HDAC10: variants seen among roughly 807,000 people sequenced by gnomAD.
HDAC10 encodes polyamine deacetylase HDAC10.
A neutral mutation model predicts 82.3 loss-of-function variants in HDAC10; 90 were observed. That is an observed-to-expected ratio of 1.09 (90% CI 0.92 to 1.30). HDAC10 has a LOEUF of 1.30. HDAC10 is among the 50% of genes most tolerant of loss of function. The pLI, the probability that HDAC10 is intolerant of heterozygous loss-of-function variation, is 0.00. For missense variants in HDAC10, 934 were observed against 876.3 expected (o/e 1.07, Z -0.83); for synonymous variants, 456 against 391.7 (o/e 1.16, Z -1.94).
chr22:50,250,446 T>A lies in HDAC10; in HGVS notation c.272A>T (p.Asp91Val). ...EELQALSGQF[D>V]AIYFHPSTFH... The stretch of plus-strand genomic sequence containing the variant: ...ACGCACCGGGTGGAAGTAGATGGCG[T>A]CGAACTGTCCGGACAGCGCCTGCAG... Residue 91 changes from aspartate to valine, a missense_variant, in exon 3 of 20, where the codon GAC becomes GTC. Asp to Val is a radical substitution (Grantham distance 152). Coordinates refer to ENST00000216271, the MANE Select transcript of HDAC10 (RefSeq NM_032019.6). 6.2e-7 allele frequency: 1 copy of A among 1,612,914 alleles called. No homozygotes were observed. The highest frequency in any genetic ancestry group is 8.5e-7 in the Non-Finnish European group (1 of 1,179,944).
rs1184633073 is a variant in HDAC10, at chr22:50,246,322, G to T, written c.1626C>A (p.Phe542Leu). Residue 542 changes from phenylalanine (F) to leucine (L), a missense_variant, in exon 17 of 20, where the codon TTC becomes TTA. By Grantham distance (22) the Phe-to-Leu change is conservative. Transcript: ENST00000216271. ...CCACTGGCAGTGGCGTGGAGACATG[G>T]AACATGGATAGGGCAGCCGCCTCCT... ...RGKEAAALSM[F>L]HVSTPLPVMT... The T allele has an allele frequency of 6.2e-7, 1 of 1,613,112 alleles. No homozygotes were observed. Among genetic ancestry groups the T allele is most frequent in the East Asian group, 2.2e-5 (1 of 44,892 alleles).
In HDAC10 at chr22:50,248,906, G is replaced by A. The variant is rs1271623817; in HGVS notation, c.757-16C>T. On this transcript the variant is annotated splice_polypyrimidine_tract_variant and intron_variant, in intron 8 of 19. Coordinates refer to ENST00000216271, the MANE Select transcript of HDAC10 (RefSeq NM_032019.6). This position sits in a 1 kb window ranked among gnomAD's most constrained non-coding sequence, Gnocchi z 5.4. ...CAGGGTCAAACTACAGGCCAGGCCG[G>A]AGTGGGGAGGGTCGACAGAGAGGGG... 2 of 1,608,896 alleles carry A rather than the reference G, an allele frequency of 1.2e-6. No homozygotes were observed. The highest frequency in any genetic ancestry group is 1.7e-6 in the Non-Finnish European group (2 of 1,178,260).
Position 50,250,762 on chromosome 22 carries a change from C to A in HDAC10, c.194+9G>T. 1 of 1,576,278 alleles carries A rather than the reference C, an allele frequency of 6.3e-7. No homozygotes were observed. The highest frequency in any genetic ancestry group is 2.3e-5 in the East Asian group (1 of 43,812). The stretch of plus-strand genomic sequence containing the variant: ...CGCCCCCCATCGTGGGGCCTGCCCC[C>A]GTCCTGACCTGTGCACCAGGCCCAG... On this transcript the variant is annotated intron_variant, in intron 2 of 19. Coordinates refer to ENST00000216271, the MANE Select transcript of HDAC10 (RefSeq NM_032019.6).
rs150016700 is a variant in HDAC10, at chr22:50,250,267, G to C, written c.292-107C>G. 3.1e-3 allele frequency: 3,971 copies of C among 1,267,144 alleles called. 60 individuals carry two copies. In the East Asian group the frequency reaches 0.044, roughly 14 times the overall value. 78.5% of individuals were successfully genotyped at this position (1,267,144 alleles called of 1,614,324 possible). A position where few individuals can be genotyped will look rare whatever the true frequency, so the allele number is the denominator to read the frequency against. On this transcript the variant is annotated intron_variant, in intron 3 of 19. Transcript: ENST00000216271. The stretch of plus-strand genomic sequence containing the variant: ...AAGACACCAGCTGCTGAGCAGAACA[G>C]GCCAGCCCCAGGCTCTGGCAGTGCC...
chr22:50,246,445 G>A lies in HDAC10; in HGVS notation c.1572-69C>T, dbSNP rs567072073. The A allele has an allele frequency of 7.2e-5, 97 of 1,354,948 alleles. No individual in the cohort carries two copies. In the African/African-American group the frequency reaches 1.2e-3, roughly 17 times the overall value. 83.9% of individuals were successfully genotyped at this position (1,354,948 alleles called of 1,614,324 possible). On this transcript the variant is annotated intron_variant, in intron 16 of 19. Transcript: ENST00000216271. ...CCTGAGCCCAAACCGCAGAGGCAGA[G>A]GTGGAAGAGCATTCACGGGGCCATG... is the stretch of plus-strand genomic sequence containing the variant.
rs770252185 is a variant in HDAC10, at chr22:50,247,991, G to A, written c.1236C>T (p.Thr412=). The part of the protein sequence containing the change: ...PCLCPAPSVR[T]AVALTTPDIT... ...TATCCGGCGTTGTCAGGGCAACAGCGGTGCGGACAGAGGGTGCGGGGCAGA... is the reference window on the plus strand; with the variant it reads ...TATCCGGCGTTGTCAGGGCAACAGCAGTGCGGACAGAGGGTGCGGGGCAGA... The change falls in exon 13 of 20, where the codon ACC becomes ACT. Residue 412 remains threonine (T), a synonymous_variant. Coordinates refer to ENST00000216271, the MANE Select transcript of HDAC10 (RefSeq NM_032019.6). 14 of 1,612,736 alleles carry A rather than the reference G, an allele frequency of 8.7e-6. No individual in the cohort carries two copies. Among genetic ancestry groups the A allele is most frequent in the Admixed American group, 6.7e-5 (4 of 60,000 alleles).
intron 3 of HDAC10, 102 bp from the exon 4 acceptor site, chr22:50,250,262 G>T (rs1006521200): frequency 1.6e-6 from 2 of 1,280,448 alleles, no homozygotes; most frequent in Non-Finnish European, 2.2e-6. Flanking sequence ...CTGCTGAGCA[G>T]AACAGGCCAG....
chr22:50,248,080 G>T lies in HDAC10; in HGVS notation c.1147C>A (p.Pro383Thr), dbSNP rs758310136. 1.5e-4 allele frequency: 236 copies of T among 1,601,360 alleles called. No individual in the cohort carries two copies. Among genetic ancestry groups the T allele is most frequent in the Non-Finnish European group, 2.0e-4 (229 of 1,172,606 alleles). ...GCTGCCTTACACACTGGACCCCCAG[G>T]CAGCAGAGGTGGAGGCCTCCCCTCT... ...SPEGRPPPLLPGGPVCKAAAS... is the reference protein window; with the variant it reads ...SPEGRPPPLLTGGPVCKAAAS... The change falls in exon 13 of 20, where the codon CCT (proline) becomes ACT (threonine). Residue 383 changes from proline (P) to threonine (T), a missense_variant. Physicochemically the swap from Pro to Thr is conservative, Grantham distance 38. Transcript: ENST00000216271. This position sits in a 1 kb window ranked among gnomAD's most constrained non-coding sequence, Gnocchi z 5.4.
In HDAC10 at chr22:50,246,374, C is replaced by T. The variant is rs779671800; in HGVS notation, c.1574G>A (p.Arg525Lys). 1.9e-6 allele frequency: 3 copies of T among 1,611,724 alleles called. No homozygotes were observed. The South Asian group carries it at 3.3e-5, about 18-fold the overall frequency. Residue 525 changes from arginine to lysine, a missense_variant and splice_region_variant, in exon 17 of 20, where the codon AGG becomes AAG. Transcript: ENST00000216271. ...GCCCCTGATGTTCAGCCACAGACTC[C>T]TCCTTCCAGGACACAGGTGCATAAG... ...DRPPDLAHDG[R>K]SLWLNIRGKE...
At chr22:50,246,622 C>T (rs111248040) in intron 16 of HDAC10, 57 bp downstream of exon 16, 15,300 of 1,525,180 alleles carry the variant, frequency 0.01, 115 homozygotes, top group Non-Finnish European at 0.011. Flanking sequence ...AGGCACACGT[C>T]CATCACATGC....
chr22:50,247,477 G>T, intron 14 of HDAC10: 2 of 489,208 alleles, frequency 4.1e-6, no homozygotes, highest in Non-Finnish European at 7.2e-6. Flanking sequence ...CTGCCAAAGA[G>T]CATTTAACTG....
At chr22:50,250,286 C>T in intron 3 of HDAC10, 126 bp from the exon 4 acceptor site, 2 of 1,208,072 alleles carry the variant, frequency 1.7e-6, no homozygotes, top group Non-Finnish European at 2.4e-6. Flanking sequence ...CAGGCTCTGG[C>T]AGTGCCAGCA....
chr22:50,246,276 G>A, intron 17 of HDAC10, 22 bp downstream of exon 17: 1 of 1,606,858 alleles, frequency 6.2e-7, no homozygotes, highest in Non-Finnish European at 8.5e-7. Context: ...CACCTGCCTT[G>A]CCGCGTGGCA....
chr22:50,246,585 C>T (rs2147230496), intron 16 of HDAC10, 94 bp downstream of exon 16: 3 of 1,286,532 alleles, frequency 2.3e-6, no homozygotes, highest in Middle Eastern at 2.6e-4. Context: ...CCACACAGTG[C>T]CCCACCCACC....
At position 50,245,992 on chromosome 22, in the gene HDAC10, C is replaced by G. The variant is rs768096692; in HGVS notation, c.1751G>C (p.Gly584Ala). 5.0e-6 allele frequency: 8 copies of G among 1,611,038 alleles called. No homozygotes were observed. In the Admixed American group the frequency reaches 1.0e-4, roughly 20 times the overall value. The change falls in exon 18 of 20, where the codon GGC becomes GCC. Residue 584 changes from glycine to alanine, a missense_variant. By Grantham distance (60) the Gly-to-Ala change is moderately conservative. Transcript: ENST00000216271. ...GAGTGCAGCGTGGGGGCCCTGCAGG[C>G]CATGGCCAGGCCCCAGCGCCACCAG... ...LVLVALGPGH[G>A]LQGPHAALLA... is the part of the protein sequence containing the mutation.
At position 50,248,072 on chromosome 22, in the gene HDAC10, A is replaced by G. The variant is rs36039258; in HGVS notation, c.1155T>C (p.Gly385=). Residue 385 remains glycine (G), a synonymous_variant, in exon 13 of 20, where the codon GGT becomes GGC. Transcript: ENST00000216271. The surrounding 1 kb of genome is among the most constrained non-coding windows in gnomAD (Gnocchi z 5.4). Reference sequence around the variant, plus strand: ...CAGATGCAGCTGCCTTACACACTGGACCCCCAGGCAGCAGAGGTGGAGGCC... The same window carrying G: ...CAGATGCAGCTGCCTTACACACTGGGCCCCCAGGCAGCAGAGGTGGAGGCC... ...EGRPPPLLPG[G]PVCKAAASAP... is the part of the protein sequence containing the mutation. 1.2e-6 allele frequency: 2 copies of G among 1,602,714 alleles called. No individual in the cohort carries two copies. The highest frequency in any genetic ancestry group is 1.7e-6 in the Non-Finnish European group (2 of 1,173,328).
At position 50,248,852 on chromosome 22, in the gene HDAC10, G is replaced by C. The variant is rs759577793; in HGVS notation, c.795C>G (p.Asp265Glu). 4 of 1,611,554 alleles carry C rather than the reference G, an allele frequency of 2.5e-6. No homozygotes were observed. The highest frequency in any genetic ancestry group is 2.2e-5 in the East Asian group (1 of 44,850). The part of the protein sequence containing the change: ...PELVLVSAGF[D>E]SAIGDPEGQM... Reference sequence around the variant, plus strand: ...TCACCTCAGGGTCCCCGATGGCTGAGTCAAATCCTGCCGAGACCAGCACCA... The same window carrying C: ...TCACCTCAGGGTCCCCGATGGCTGACTCAAATCCTGCCGAGACCAGCACCA... Residue 265 changes from aspartate to glutamate, a missense_variant, in exon 9 of 20, where the codon GAC becomes GAG. Asp to Glu is a conservative substitution (Grantham distance 45). Transcript: ENST00000216271. The surrounding 1 kb of genome is among the most constrained non-coding windows in gnomAD (Gnocchi z 5.4).
rs1214533429 is a variant in HDAC10, at chr22:50,245,746, C to T, written c.1915G>A (p.Ala639Thr). 2 of 1,612,254 alleles carry T rather than the reference C, an allele frequency of 1.2e-6. No individual in the cohort carries two copies. Among genetic ancestry groups the T allele is most frequent in the Non-Finnish European group, 1.7e-6 (2 of 1,179,530 alleles). ...APPSLGPSSV[A>T]SPEDVQALMY... ...AGGGCCTGGACGTCCTCTGGGGAGGCCACAGAGGAAGGGCCTAGGCTAGGA... is the reference window on the plus strand; with the variant it reads ...AGGGCCTGGACGTCCTCTGGGGAGGTCACAGAGGAAGGGCCTAGGCTAGGA... The change falls in exon 19 of 20, where the codon GCC becomes ACC. Residue 639 changes from alanine (A) to threonine (T), a missense_variant. Transcript: ENST00000216271.
At chr22:50,246,758 G>A (rs762988838) in intron 15 of HDAC10, 23 bp from the exon 16 acceptor site, 4 of 1,612,894 alleles carry the variant, frequency 2.5e-6, no homozygotes, top group Non-Finnish European at 3.4e-6. Context: ...CTGGCCTCAG[G>A]ACAGGTGTTC....
Sources: gnomAD v4.1 joint callset for allele counts on GRCh38, gnomAD v4.1.1 for gene constraint, Gnocchi (gnomAD v3.1) non-coding constraint, MANE v1.5 for transcripts, NCBI Gene and HGNC (gene_info 2026-07-23, HGNC 2026-07-21) for gene names.